The following ARL10 variants were observed in gnomAD, a reference collection of about 807,000 sequenced individuals.
ARL10 encodes the protein ADP-ribosylation factor-like protein 10.
ARL10 carries 23 observed loss-of-function variants against 26.1 expected under a neutral mutation model. That is an observed-to-expected ratio of 0.88 (90% CI 0.63 to 1.25). The LOEUF is 1.25. Ranked by LOEUF, ARL10 falls within the 50% of genes most tolerant of loss-of-function variation. The pLI is 0.00. For synonymous variants in ARL10, 138 were observed against 149.1 expected (o/e 0.93, Z 0.54); for missense variants, 300 against 323.6 (o/e 0.93, Z 0.56).
In ARL10 at chr5:176,380,892, A is replaced by G. The variant is rs1455737426; in HGVS notation, c.*8997A>G. ...GAGATTTTGCCACCTCAGCCTCCTG[A>G]GTAGCTGGGACTACAGGCATACACC... On this transcript the variant is annotated 3_prime_UTR_variant, in exon 4 of 4. Coordinates refer to ENST00000310389, the MANE Select transcript of ARL10 (RefSeq NM_173664.6). 2 of 152,158 alleles carry G rather than the reference A, an allele frequency of 1.3e-5. No homozygotes were observed. Among genetic ancestry groups the G allele is most frequent in the Non-Finnish European group, 2.9e-5 (2 of 68,076 alleles). 9.4% of individuals were successfully genotyped at this position (152,158 alleles called of 1,614,324 possible).
downstream of ARL10, among the ~76,000 whole-genome samples, chr5:176,404,296 C>T (rs1045342418): frequency 6.6e-6 from 1 of 152,220 alleles, no homozygotes; most frequent in African/African-American, 2.4e-5. Flanking sequence ...TCTCATGGCC[C>T]GCCTTCCTCT....
chr5:176,408,680 C>T, the ARL10 span, among the ~76,000 whole-genome samples: 2 of 152,168 alleles, frequency 1.3e-5, no homozygotes, highest in Non-Finnish European at 2.9e-5. Flanking sequence ...ACACTATTGC[C>T]CCAGCTAATT....
downstream of ARL10, chr5:176,406,632 G>T: frequency 7.8e-7 from 1 of 1,289,444 alleles, no homozygotes; most frequent in Non-Finnish European, 1.0e-6. Context: ...AATGGAACTG[G>T]AATAGTTGTG....
intron 1 of ARL10, chr5:176,396,351 C>A (rs1756519509): frequency 2.3e-6 from 2 of 852,760 alleles, no homozygotes; most frequent in Non-Finnish European, 2.0e-6. Flanking sequence ...AGGGCATTTG[C>A]CTCCTGTTCT....
rs113893544 is a variant in ARL10, at chr5:176,369,785, G to GTC, written c.561+807_561+808dup. The stretch of plus-strand genomic sequence containing the variant: ...AGCCTGGGCAACATGGTGAAACTCC[G>GTC]TCTCTACAAAAAAAATGCAAAAAAT... On this transcript the variant is annotated intron_variant, in intron 3 of 3. Coordinates refer to ENST00000310389, the MANE Select transcript of ARL10 (RefSeq NM_173664.6). Among the ~76,000 whole-genome samples the GTC allele has an allele frequency of 7.9e-5, 12 of 151,874 alleles. 2 individuals are homozygous for GTC. Among genetic ancestry groups the GTC allele is most frequent in the African/African-American group, 2.9e-4 (12 of 41,378 alleles).
downstream of ARL10, chr5:176,384,527 C>A: frequency 1.4e-6 from 1 of 734,036 alleles, no homozygotes; most frequent in Non-Finnish European, 2.2e-6. Context: ...TGGCTCATGC[C>A]TGTAATCCCA....
At chr5:176,395,456 C>T (rs1393573971) in intron 1 of ARL10, among the ~76,000 whole-genome samples, 4 of 152,152 alleles carry the variant, frequency 2.6e-5, no homozygotes, top group Admixed American at 6.5e-5. Flanking sequence ...AGGAAGCAGA[C>T]GAAGGCTCTG....
chr5:176,385,235 C>T (rs766126221), downstream of ARL10: 26 of 1,605,656 alleles, frequency 1.6e-5, no homozygotes, highest in South Asian at 2.2e-4. Context: ...TAGTCCTCCC[C>T]GTGGTTCTCT....
rs1756420622 is a variant in ARL10 at position 176,394,617 on chromosome 5, A to G, written c.134-7124A>G. Among the ~76,000 whole-genome samples, 3 of 151,738 alleles carry G rather than the reference A, an allele frequency of 2.0e-5. No individual in the cohort carries two copies. In the South Asian group the frequency reaches 6.2e-4, roughly 32 times the overall value. ...CGGATCACGAGGTCAGATGGAGAGCATCCTGGCTAACACGGTGAAACCCCG... is the reference window on the plus strand; with the variant it reads ...CGGATCACGAGGTCAGATGGAGAGCGTCCTGGCTAACACGGTGAAACCCCG... On this transcript the variant is annotated intron_variant, in intron 1 of 1. Coordinates refer to the ARL10 transcript ENST00000514533.
downstream of ARL10, among the ~76,000 whole-genome samples, chr5:176,391,845 C>A (rs770016342): frequency 6.6e-6 from 1 of 152,220 alleles, no homozygotes; most frequent in Non-Finnish European, 1.5e-5. Context: ...AACTATGAGA[C>A]AATAAATTTC....
In ARL10 at chr5:176,377,732, A is replaced by C. The variant is rs1016846654; in HGVS notation, c.*5837A>C. 5 of 152,164 alleles carry C rather than the reference A, an allele frequency of 3.3e-5. No individual in the cohort carries two copies. The highest frequency in any genetic ancestry group is 5.9e-5 in the Non-Finnish European group (4 of 68,034). The allele number at this position is 152,164 out of a possible 1,614,324, so 9.4% of individuals were successfully genotyped here. On this transcript the variant is annotated 3_prime_UTR_variant, in exon 4 of 4. Coordinates refer to ENST00000310389, the MANE Select transcript of ARL10 (RefSeq NM_173664.6). The surrounding 1 kb of genome is among the most constrained non-coding windows in gnomAD (Gnocchi z 4.5). Reference sequence around the variant, plus strand: ...ATCAGTATTTTTTATAATCTGGATCATCTTGCTCATTTGTGAGGTGCAGAG... The same window carrying C: ...ATCAGTATTTTTTATAATCTGGATCCTCTTGCTCATTTGTGAGGTGCAGAG...
At chr5:176,398,989 C>A (rs1756683242) in intron 1 of ARL10, among the ~76,000 whole-genome samples, 1 of 151,842 alleles carries the variant, frequency 6.6e-6, no homozygotes, top group Non-Finnish European at 1.5e-5. Context: ...ATTACAGGCA[C>A]ACGTCACGAC....
At chr5:176,389,495 T>A, downstream of ARL10, 1 of 1,612,174 alleles carries the variant, frequency 6.2e-7, no homozygotes, top group Admixed American at 1.7e-5. Flanking sequence ...GTCTCGACCC[T>A]AAGCCCAGGG....
chr5:176,388,957 C>T, downstream of ARL10: 1 of 1,614,142 alleles, frequency 6.2e-7, no homozygotes, highest in Non-Finnish European at 8.5e-7. Flanking sequence ...CCCGCGAGAA[C>T]CCGGTGGTAC....
In ARL10 at chr5:176,375,338, T is replaced by TCCATCCATCCAC. The variant is rs1561776199; in HGVS notation, c.*3446_*3447insTCCATCCACCCA. ...CATCCATCCATCCATCCATCCATCA[T>TCCATCCATCCAC]CCACCCATCCATCCATCCATCCATC... is the stretch of plus-strand genomic sequence containing the variant. On this transcript the variant is annotated 3_prime_UTR_variant, in exon 4 of 4. Coordinates refer to ENST00000310389, the MANE Select transcript of ARL10 (RefSeq NM_173664.6). 1.9e-5 allele frequency: 1 copy of TCCATCCATCCAC among 52,352 alleles called. No individual in the cohort carries two copies. The highest frequency in any genetic ancestry group is 4.9e-5 in the African/African-American group (1 of 20,600). 3.2% of individuals were successfully genotyped at this position (52,352 alleles called of 1,614,324 possible).
intron 3 of ARL10, 175 bp downstream of exon 3, chr5:176,369,157 CTCCCTATCA>C (rs1316629763): frequency 1.3e-6 from 2 of 1,534,558 alleles, no homozygotes; most frequent in Non-Finnish European, 1.7e-6. Flanking sequence ...TCCTCTTTGC[CTCCCTATCA>C]TCTCGTACTC....
chr5:176,394,685 G>A (rs180807336), intron 1 of ARL10, among the ~76,000 whole-genome samples: 4 of 152,180 alleles, frequency 2.6e-5, no homozygotes, highest in Admixed American at 2.6e-4. Context: ...CATGGTGGCG[G>A]GCACCTGTAG....
At position 176,375,643 on chromosome 5, in the gene ARL10, A is replaced by G. The variant is rs1315857402; in HGVS notation, c.*3748A>G. On this transcript the variant is annotated 3_prime_UTR_variant, in exon 4 of 4. Coordinates refer to ENST00000310389, the MANE Select transcript of ARL10 (RefSeq NM_173664.6). ...GCAAGATCTGAAGTCAGGACAGAGTAAGCAAATTATCCACAGACCTAATAT... is the reference window on the plus strand; with the variant it reads ...GCAAGATCTGAAGTCAGGACAGAGTGAGCAAATTATCCACAGACCTAATAT... 6.6e-6 allele frequency: 1 copy of G among 152,152 alleles called. No homozygotes were observed. The highest frequency in any genetic ancestry group is 1.5e-5 in the Non-Finnish European group (1 of 68,028). The allele number at this position is 152,152 out of a possible 1,614,324, so 9.4% of individuals were successfully genotyped here. A position where few individuals can be genotyped will look rare whatever the true frequency, so the allele number is the denominator to read the frequency against.
chr5:176,384,797 T>A (rs3792913), downstream of ARL10: 89,110 of 377,286 alleles, frequency 0.24, 11,088 homozygotes, highest in South Asian at 0.31. Flanking sequence ...GGCCTGAGAG[T>A]CCAGCGGGCC....
Sources: allele counts gnomAD v4.1 joint callset (sites outside exome capture counted in the v4.1 genomes callset), GRCh38; gene constraint gnomAD v4.1.1; non-coding constraint Gnocchi (gnomAD v3.1); transcripts MANE v1.5; gene names NCBI Gene and HGNC (gene_info 2026-07-23, HGNC 2026-07-21).